Variants in RYR1 observed in about 807,000 individuals in gnomAD.
RYR1 encodes the protein ryanodine receptor 1, also known as central core disease of muscle.
A neutral mutation model predicts 583.5 loss-of-function variants in RYR1; 342 were observed. The ratio of observed to expected loss-of-function variants is 0.59; its 90% CI spans 0.54 to 0.64. The LOEUF (loss-of-function observed/expected upper bound fraction) is 0.64. RYR1 is among the 30% of genes least tolerant of loss of function. The pLI is 0.00. For missense variants in RYR1, 6,032 were observed against 6,917.2 expected (o/e 0.87, Z 4.54); for synonymous variants, 2,791 against 2,822.5 (o/e 0.99, Z 0.35).
intron 65 of RYR1, 36 bp downstream of exon 65, chr19:38,516,253 C>T (rs769286470): frequency 1.3e-6 from 2 of 1,570,834 alleles, no homozygotes; most frequent in South Asian, 2.3e-5. Context: ...GCTGGGAGTC[C>T]AAATCTCCCC....
chr19:38,473,536 C>T lies in RYR1; in HGVS notation c.3925C>T (p.Leu1309=). ...HFRCTAGATP[L]APPGLQPPAE... ...CCGCTGCACTGCAGGGGCCACCCCG[C>T]TGGCACCTCCTGGCCTGCAGCCCCC... Residue 1309 remains leucine, a synonymous_variant, in exon 28 of 106, where the codon CTG becomes TTG. Coordinates refer to ENST00000359596, the MANE Select transcript of RYR1 (RefSeq NM_000540.3). 6.2e-7 allele frequency: 1 copy of T among 1,607,878 alleles called. No homozygotes were observed. Among genetic ancestry groups the T allele is most frequent in the East Asian group, 2.2e-5 (1 of 44,574 alleles).
intron 70 of RYR1, among the ~76,000 whole-genome samples, chr19:38,524,776 G>A (rs926780502): frequency 2.0e-5 from 3 of 152,164 alleles, no homozygotes; most frequent in African/African-American, 7.2e-5. Flanking sequence ...TGAACTCTTT[G>A]TGGACCTGCA....
At chr19:38,539,949 TAGAA>T (rs1293834599) in intron 84 of RYR1, among the ~76,000 whole-genome samples, 2 of 152,196 alleles carry the variant, frequency 1.3e-5, no homozygotes, top group Admixed American at 1.3e-4. Context: ...ATAAAGGAGT[TAGAA>T]AGCAGGGTTG....
Position 38,543,567 on chromosome 19 carries a change from C to T in RYR1, c.11814C>T (p.Gly3938=). The change falls in exon 86 of 106, where the codon GGC becomes GGT. Residue 3938 remains glycine, a synonymous_variant. Transcript: ENST00000359596. This position sits in a 1 kb window ranked among gnomAD's most constrained non-coding sequence, Gnocchi z 4.4. ...GCGACTTCTACTGGTACTACTCGGG[C>T]AAGGATGTCATTGAAGAGCAGGGCA... The part of the protein sequence containing the change: ...SISDFYWYYS[G]KDVIEEQGKR... 1 of 1,614,178 alleles carries T rather than the reference C, an allele frequency of 6.2e-7. No individual in the cohort carries two copies. The highest frequency in any genetic ancestry group is 8.5e-7 in the Non-Finnish European group (1 of 1,180,028).
chr19:38,517,751 G>C (rs1431284168), intron 66 of RYR1, 60 bp downstream of exon 66: 1 of 1,529,768 alleles, frequency 6.5e-7, no homozygotes, highest in African/African-American at 1.4e-5. Context: ...TCCCTTGGCA[G>C]ATGGTCTGAA....
intron 65 of RYR1, 78 bp downstream of exon 65, chr19:38,516,295 G>A (rs1970968863): frequency 6.6e-7 from 1 of 1,505,434 alleles, no homozygotes; most frequent in African/African-American, 1.4e-5. Context: ...CCTAATTTGG[G>A]GGTAGTGTGG....
At chr19:38,531,305 G>A (rs1004831882) in intron 76 of RYR1, among the ~76,000 whole-genome samples, 13 of 152,048 alleles carry the variant, frequency 8.5e-5, no homozygotes, top group Admixed American at 7.9e-4. Flanking sequence ...GAGTCCCAGC[G>A]CAAGCTGTGT....
intron 83 of RYR1, among the ~76,000 whole-genome samples, chr19:38,537,515 C>T (rs1972025717): frequency 6.6e-6 from 1 of 152,192 alleles, no homozygotes; most frequent in Non-Finnish European, 1.5e-5. Context: ...TTAACCTCCA[C>T]GGTCTGAAGG....
chr19:38,584,862 C>G, intron 101 of RYR1, 81 bp from the exon 102 acceptor site: 15 of 1,559,956 alleles, frequency 9.6e-6, no homozygotes, highest in Non-Finnish European at 1.3e-5. Flanking sequence ...ACCATGTCTT[C>G]AGCCCTGCCT....
chr19:38,520,826 A>G (rs1235794450), intron 67 of RYR1, among the ~76,000 whole-genome samples: 1 of 152,054 alleles, frequency 6.6e-6, no homozygotes, highest in Non-Finnish European at 1.5e-5. Context: ...TGGTTTATTC[A>G]TACAACAGAA....
At position 38,528,582 on chromosome 19, in the gene RYR1, A is replaced by G. The variant is rs181147531; in HGVS notation, c.10938-17A>G. 7,727 of 1,613,748 alleles carry G rather than the reference A, an allele frequency of 4.8e-3. 46 individuals are homozygous for G. The highest frequency in any genetic ancestry group is 4.7e-3 in the Non-Finnish European group (5,602 of 1,179,720). Reference sequence around the variant, plus strand: ...GAGGAGGGCGCGTCCCAGTGACGTCACACCTCTCCCCTGCAGGCACCGGGC... The same window carrying G: ...GAGGAGGGCGCGTCCCAGTGACGTCGCACCTCTCCCCTGCAGGCACCGGGC... On this transcript the variant is annotated splice_polypyrimidine_tract_variant and intron_variant, in intron 74 of 105. Coordinates refer to ENST00000359596, the MANE Select transcript of RYR1 (RefSeq NM_000540.3).
In RYR1 at chr19:38,580,071, C is replaced by T; in HGVS notation, c.14454C>T (p.Ala4818=). Residue 4818 remains alanine (A), a synonymous_variant, in exon 100 of 106, where the codon GCC becomes GCT. Coordinates refer to ENST00000359596, the MANE Select transcript of RYR1 (RefSeq NM_000540.3). ...FFFAAHLLDI[A]MGVKTLRTIL... ...TTGCTGCCCATCTCCTGGACATCGC[C>T]ATGGGGGTCAAGACGCTGCGCACCA... 1 of 1,614,204 alleles carries T rather than the reference C, an allele frequency of 6.2e-7. No individual in the cohort carries two copies. The highest frequency in any genetic ancestry group is 8.5e-7 in the Non-Finnish European group (1 of 1,180,040).
intron 13 of RYR1, among the ~76,000 whole-genome samples, chr19:38,453,341 A>T (rs1967190641): frequency 6.6e-6 from 1 of 151,432 alleles, no homozygotes; most frequent in Non-Finnish European, 1.5e-5. Flanking sequence ...GCTCAGGTAT[A>T]GGGTGAGGCC....
intron 12 of RYR1, among the ~76,000 whole-genome samples, chr19:38,452,126 CAAAAAAAAAA>C (rs66571762): frequency 3.9e-4 from 27 of 68,870 alleles, no homozygotes; most frequent in African/African-American, 1.4e-3. Flanking sequence ...CCGCCTCTAC[CAAAAAAAAAA>C]AAAAAAAAAA....
In RYR1 at chr19:38,532,558, CT is replaced by C; in HGVS notation, c.11193+18del. On this transcript the variant is annotated intron_variant, in intron 77 of 105. Coordinates refer to ENST00000359596, the MANE Select transcript of RYR1 (RefSeq NM_000540.3). ...ATGGCAAAGGTGAGGCCCTACCCCC[CT>C]CTTCTGGGGCAGATTTCCCTCTCCC... 6.2e-7 allele frequency: 1 copy of C among 1,614,138 alleles called. No individual in the cohort carries two copies. Among genetic ancestry groups the C allele is most frequent in the Non-Finnish European group, 8.5e-7 (1 of 1,179,980 alleles).
In RYR1 at chr19:38,512,410, T is replaced by G. The variant is rs775328706; in HGVS notation, c.9399T>G (p.Thr3133=). Residue 3133 remains threonine (T), a synonymous_variant, in exon 63 of 106, where the codon ACT becomes ACG. Transcript: ENST00000359596. This position sits in a 1 kb window ranked among gnomAD's most constrained non-coding sequence, Gnocchi z 5.1. ...TGGGCCAGAACCTCACCTACACCAC[T>G]GTGGCACTGCTGCCGGTCCTCACCA... ...KGVGQNLTYT[T]VALLPVLTTL... is the part of the protein sequence containing the mutation. 6.2e-7 allele frequency: 1 copy of G among 1,613,868 alleles called. No homozygotes were observed. The highest frequency in any genetic ancestry group is 8.5e-7 in the Non-Finnish European group (1 of 1,180,020).
Position 38,561,341 on chromosome 19 carries a change from G to T in RYR1, c.12511G>T (p.Glu4171Ter). 1 of 1,613,968 alleles carries T rather than the reference G, an allele frequency of 6.2e-7. No individual in the cohort carries two copies. The highest frequency in any genetic ancestry group is 1.6e-4 in the Middle Eastern group (1 of 6,062). The change falls in exon 90 of 106, where the codon GAG becomes TAG. Residue 4171 changes from glutamate to a stop codon, truncating the protein, a stop_gained. Coordinates refer to ENST00000359596, the MANE Select transcript of RYR1 (RefSeq NM_000540.3). LOFTEE classifies it high-confidence loss of function. This position sits in a 1 kb window ranked among gnomAD's most constrained non-coding sequence, Gnocchi z 4.8. The stretch of plus-strand genomic sequence containing the variant: ...CCTGGAGCTGGCCGAGAGCATCCTT[G>T]AGTACTTCCGCCCCTACCTGGGCCG... Reference protein sequence around the residue: ...NFLELAESILEYFRPYLGRIE... With the variant: ...NFLELAESIL
At chr19:38,478,316 G>A (rs1344634262) in intron 30 of RYR1, 119 bp from the exon 31 acceptor site, 8 of 1,091,300 alleles carry the variant, frequency 7.3e-6, no homozygotes, top group East Asian at 2.4e-5. Context: ...GTCTGCAGGC[G>A]GTGGGTGTTT....
chr19:38,580,260 G>A, intron 100 of RYR1, 110 bp from the exon 101 acceptor site: 1 of 1,588,482 alleles, frequency 6.3e-7, no homozygotes, highest in East Asian at 2.2e-5. Context: ...GGGTGTGTGG[G>A]GCAGCAAGGT....
Sources: gnomAD v4.1 joint callset for allele counts (sites outside exome capture counted in the v4.1 genomes callset) on GRCh38, gnomAD v4.1.1 for gene constraint, Gnocchi (gnomAD v3.1) non-coding constraint, MANE v1.5 for transcripts, NCBI Gene and HGNC (gene_info 2026-07-23, HGNC 2026-07-21) for gene names.